LRRC53: variants seen among roughly 807,000 people sequenced by gnomAD.
LRRC53 encodes the protein leucine rich repeat containing 53, also known as leucine-rich repeat-containing protein 53.
Under a neutral mutation model 13.6 loss-of-function variants are expected in LRRC53, and 25 were observed. The ratio of observed to expected loss-of-function variants is 1.83; its 90% CI spans 1.34 to 2.56. LRRC53 has a LOEUF of 2.56. Ranked by LOEUF, LRRC53 falls within the 30% of genes most tolerant of loss-of-function variation. The pLI, the probability that LRRC53 is intolerant of heterozygous loss-of-function variation, is 0.00. For synonymous variants in LRRC53, 204 were observed against 109.8 expected, an observed-to-expected ratio of 1.86 and a Z score of -5.37; for missense variants, 527 against 275.8, an observed-to-expected ratio of 1.91 and a Z score of -6.45.
the LRRC53 span, among the ~76,000 whole-genome samples, chr1:74,537,029 C>T: frequency 6.6e-6 from 1 of 152,278 alleles, no homozygotes; most frequent in African/African-American, 2.4e-5. Flanking sequence ...TAGCTTCCAT[C>T]TGTCTGTCAT....
rs184219451 is a variant in LRRC53, at chr1:74,469,468, C to A, written c.*410G>T. 168 of 154,300 alleles carry A rather than the reference C, an allele frequency of 1.1e-3. 3 individuals carry two copies. The highest frequency in any genetic ancestry group is 5.8e-4 in the Non-Finnish European group (40 of 69,506). 9.6% of individuals were successfully genotyped at this position (154,300 alleles called of 1,614,324 possible). ...AATATATAATTATCCATGTAGAAAG[C>A]AATATTGTAATACCACTAATTGAGA... On this transcript the variant is annotated 3_prime_UTR_variant, in exon 5 of 5. Transcript: ENST00000294635.
chr1:74,475,888 A>C, intron 3 of LRRC53, 78 bp from the exon 4 acceptor site: 1 of 531,592 alleles, frequency 1.9e-6, no homozygotes, highest in South Asian at 3.8e-5. Context: ...AAAACCACAA[A>C]TATAAAGGTT....
chr1:74,528,114 C>T, the LRRC53 span, among the ~76,000 whole-genome samples: 30 of 152,176 alleles, frequency 2.0e-4, no homozygotes, highest in Middle Eastern at 0.01. Context: ...TCAAGTAAGG[C>T]CAGAGCCCAA....
chr1:74,514,504 G>T (rs1333234033), upstream of LRRC53, among the ~76,000 whole-genome samples: 3 of 152,170 alleles, frequency 2.0e-5, no homozygotes, highest in Non-Finnish European at 2.9e-5. Flanking sequence ...AGTCTTGATA[G>T]AATTTATTGA....
chr1:74,511,786 A>C (rs1308533379), intron 1 of LRRC53, among the ~76,000 whole-genome samples: 3 of 151,926 alleles, frequency 2.0e-5, no homozygotes, highest in Non-Finnish European at 4.4e-5. Flanking sequence ...GTTTCACTTG[A>C]GTTTGGCAGA....
In LRRC53 at chr1:74,469,775, C is replaced by G; in HGVS notation, c.*103G>C. On this transcript the variant is annotated 3_prime_UTR_variant, in exon 5 of 5. Coordinates refer to ENST00000294635, the MANE Select transcript of LRRC53 (RefSeq NM_001382280.1). ...GAGTTACTGAGGACGTTGTTGTCCT[C>G]CAAAATGATCCACTTCTAATGCATG... is the stretch of plus-strand genomic sequence containing the variant. 1 of 397,474 alleles carries G rather than the reference C, an allele frequency of 2.5e-6. No individual in the cohort carries two copies. The highest frequency in any genetic ancestry group is 4.4e-6 in the Non-Finnish European group (1 of 225,200). The allele number at this position is 397,474 out of a possible 1,614,324, so 24.6% of individuals were successfully genotyped here. A position where few individuals can be genotyped will look rare whatever the true frequency, so the allele number is the denominator to read the frequency against.
At chr1:74,488,392 A>T (rs1390045280) in intron 1 of LRRC53, among the ~76,000 whole-genome samples, 2 of 152,188 alleles carry the variant, frequency 1.3e-5, no homozygotes, top group East Asian at 3.9e-4. Flanking sequence ...AAGAATCTAA[A>T]TTATTTGGTT....
intron 1 of LRRC53, among the ~76,000 whole-genome samples, chr1:74,505,858 A>G (rs1669868877): frequency 6.6e-6 from 1 of 152,256 alleles, no homozygotes; most frequent in African/African-American, 2.4e-5. Flanking sequence ...TTGTGATATT[A>G]GCTGAACATT....
chr1:74,493,418 T>C (rs1038751786), intron 1 of LRRC53, among the ~76,000 whole-genome samples: 13 of 152,128 alleles, frequency 8.5e-5, no homozygotes, highest in Admixed American at 8.5e-4. Context: ...AAAAGGTAAG[T>C]CAGAAAAAAG....
intron 1 of LRRC53, among the ~76,000 whole-genome samples, chr1:74,487,233 A>G (rs1389906780): frequency 2.0e-5 from 3 of 152,200 alleles, no homozygotes; most frequent in Non-Finnish European, 2.9e-5. Context: ...TGAGAGAATT[A>G]TTGCTGGAGC....
In LRRC53 at chr1:74,471,763, A is replaced by G. The variant is rs1570664144; in HGVS notation, c.1859T>C (p.Ile620Thr). ...IEKFLMSEDN[I>T]DLSGLSTKTK... ...TTTTGTTGATAATCCTGATAAATCT[A>G]TGTTGTCCTCACTCATAAGAAATTT... Residue 620 changes from isoleucine (I) to threonine (T), a missense_variant, in exon 5 of 5, where the codon ATA becomes ACA. Transcript: ENST00000294635. 7.3e-6 allele frequency: 3 copies of G among 411,848 alleles called. No individual in the cohort carries two copies. Among genetic ancestry groups the G allele is most frequent in the Non-Finnish European group, 1.3e-5 (3 of 233,140 alleles). The allele number at this position is 411,848 out of a possible 1,614,324, so 25.5% of individuals were successfully genotyped here. A position where few individuals can be genotyped will look rare whatever the true frequency, so the allele number is the denominator to read the frequency against.
chr1:74,493,967 G>T (rs1669205612), intron 1 of LRRC53, among the ~76,000 whole-genome samples: 1 of 152,168 alleles, frequency 6.6e-6, no homozygotes, highest in African/African-American at 2.4e-5. Context: ...GAGTGGGAAT[G>T]GGGTCATAGT....
chr1:74,533,361 C>G, the LRRC53 span, among the ~76,000 whole-genome samples: 4 of 152,128 alleles, frequency 2.6e-5, no homozygotes, highest in Non-Finnish European at 4.4e-5. Context: ...ACCACAATGA[C>G]ATACCATCTC....
the LRRC53 span, among the ~76,000 whole-genome samples, chr1:74,526,949 CAG>C: frequency 2.6e-5 from 4 of 152,296 alleles, no homozygotes; most frequent in South Asian, 6.2e-4. Flanking sequence ...ACTGAAACAG[CAG>C]AGTTGAGTAG....
chr1:74,490,868 A>G lies in LRRC53; in HGVS notation c.-26-7493T>C, dbSNP rs45438106. On this transcript the variant is annotated intron_variant, in intron 1 of 4. Transcript: ENST00000294635. Reference sequence around the variant, plus strand: ...TTTTAACAGGAATACATATAAATATAATGTCCTGCAGCAGAGCCAAAGAAA... The same window carrying G: ...TTTTAACAGGAATACATATAAATATGATGTCCTGCAGCAGAGCCAAAGAAA... Among the ~76,000 whole-genome samples, 769 of 152,356 alleles carry G rather than the reference A, an allele frequency of 5.0e-3. 6 individuals are homozygous for G. Among genetic ancestry groups the G allele is most frequent in the African/African-American group, 0.017 (711 of 41,584 alleles).
intron 1 of LRRC53, among the ~76,000 whole-genome samples, chr1:74,493,135 T>A (rs1669160708): frequency 6.6e-6 from 1 of 152,096 alleles, no homozygotes. Flanking sequence ...TTGAGGAGGG[T>A]CACACTCCAG....
the LRRC53 span, among the ~76,000 whole-genome samples, chr1:74,522,973 T>C: frequency 1.3e-3 from 204 of 152,276 alleles, 1 homozygote; most frequent in African/African-American, 4.4e-3. Flanking sequence ...AGAATCCAAA[T>C]TACTAATGAG....
chr1:74,506,166 A>C (rs1316597479), intron 1 of LRRC53, among the ~76,000 whole-genome samples: 3 of 152,202 alleles, frequency 2.0e-5, no homozygotes, highest in African/African-American at 7.2e-5. Flanking sequence ...AAAAGAGAAG[A>C]CACGTTACAT....
At chr1:74,495,146 T>A (rs1390264129) in intron 1 of LRRC53, among the ~76,000 whole-genome samples, 2 of 152,204 alleles carry the variant, frequency 1.3e-5, no homozygotes, top group African/African-American at 4.8e-5. Flanking sequence ...GTTATGGAAC[T>A]CTGATAAGGG....
Sources: allele counts gnomAD v4.1 joint callset (sites outside exome capture counted in the v4.1 genomes callset), GRCh38; gene constraint gnomAD v4.1.1; transcripts MANE v1.5; gene names NCBI Gene and HGNC (gene_info 2026-07-23, HGNC 2026-07-21).